The following SYNPO variants were observed in gnomAD, a reference collection of about 807,000 sequenced individuals.
The protein encoded by SYNPO is synaptopodin.
A neutral mutation model predicts 49.5 loss-of-function variants in SYNPO; 19 were observed. The ratio of observed to expected loss-of-function variants is 0.38; its 90% CI spans 0.27 to 0.56. The LOEUF is 0.56. Among genes scored for constraint, SYNPO ranks in the 20% least tolerant of loss-of-function variants. The pLI, the probability that SYNPO is intolerant of heterozygous loss-of-function variation, is 0.68. For missense variants in SYNPO, 1,131 were observed against 1,248.3 expected, an observed-to-expected ratio of 0.91 and a Z score of 1.42; for synonymous variants, 536 against 548.0, an observed-to-expected ratio of 0.98 and a Z score of 0.31.
intron 1 of SYNPO, among the ~76,000 whole-genome samples, chr5:150,610,113 G>A (rs1055250895): frequency 9.2e-5 from 14 of 152,360 alleles, no homozygotes; most frequent in African/African-American, 3.1e-4. Context: ...CTGTGAGCAG[G>A]CTGGCTTCAG....
In SYNPO at chr5:150,650,069, G is replaced by A; in HGVS notation, c.1794G>A (p.Leu598=). Residue 598 remains leucine (L), a synonymous_variant, in exon 2 of 3, where the codon CTG becomes CTA. Transcript: ENST00000307662. ...ASPAKPSSLD[L]VPNLPKGALP... is the part of the protein sequence containing the mutation. ...CCGCCAAGCCCAGCTCCTTGGACCT[G>A]GTGCCCAACCTGCCCAAGGGGGCTC... 6.2e-6 allele frequency: 10 copies of A among 1,613,348 alleles called. No homozygotes were observed. The highest frequency in any genetic ancestry group is 8.5e-6 in the Non-Finnish European group (10 of 1,179,974).
chr5:150,618,570 C>T, exon 2 of SYNPO: 1 of 1,550,626 alleles, frequency 6.4e-7, no homozygotes, highest in Non-Finnish European at 8.7e-7. Flanking sequence ...GGGGACGACT[C>T]TGCCTGCAGA....
intron 2 of SYNPO, among the ~76,000 whole-genome samples, chr5:150,655,753 A>C (rs1303114374): frequency 6.6e-6 from 1 of 152,198 alleles, no homozygotes; most frequent in African/African-American, 2.4e-5. Context: ...CTGAGGTTCA[A>C]GCGATCCTCC....
Position 150,649,739 on chromosome 5 carries a change from G to T in SYNPO, c.1464G>T (p.Gln488His). ...GKGAELYARR[Q>H]SRMEKYVIES... is the part of the protein sequence containing the mutation. ...GAGCTGAGCTCTACGCCCGCCGCCA[G>T]TCACGGATGGAGAAATATGTCATCG... The change falls in exon 2 of 3, where the codon CAG becomes CAT. Residue 488 changes from glutamine to histidine, a missense_variant. Coordinates refer to ENST00000307662, the MANE Select transcript of SYNPO (RefSeq NM_007286.6). 1 of 1,613,136 alleles carries T rather than the reference G, an allele frequency of 6.2e-7. No individual in the cohort carries two copies.
chr5:150,650,159 C>G lies in SYNPO; in HGVS notation c.1884C>G (p.Gly628=). Residue 628 remains glycine, a synonymous_variant, in exon 2 of 3, where the codon GGC becomes GGG. Transcript: ENST00000307662. ...CACCGGGCCTCTACACCTCCCCCGG[C>G]CAGGACAGCCTGCAGCCCACTGCCG... ...RSSPGLYTSP[G]QDSLQPTAVS... 1 of 1,613,912 alleles carries G rather than the reference C, an allele frequency of 6.2e-7. No individual in the cohort carries two copies.
chr5:150,633,323 G>T (rs1205647314), intron 2 of SYNPO, among the ~76,000 whole-genome samples: 1 of 152,202 alleles, frequency 6.6e-6, no homozygotes, highest in African/African-American at 2.4e-5. Context: ...CTTGCTAAAG[G>T]TCACCATAGC....
chr5:150,597,865 T>TG (rs1287216025), upstream of SYNPO, among the ~76,000 whole-genome samples: 4 of 152,128 alleles, frequency 2.6e-5, no homozygotes, highest in Non-Finnish European at 5.9e-5. Context: ...CTTGAACTCC[T>TG]GACCTCAAGT....
In SYNPO at chr5:150,650,119, G is replaced by A. The variant is rs748114423; in HGVS notation, c.1844G>A (p.Arg615Gln). 8.1e-6 allele frequency: 13 copies of A among 1,612,584 alleles called. No homozygotes were observed. The highest frequency in any genetic ancestry group is 6.7e-5 in the East Asian group (3 of 44,758). Residue 615 changes from arginine to glutamine, a missense_variant, in exon 2 of 3, where the codon CGG (arginine) becomes CAG (glutamine). Arg to Gln is a conservative substitution (Grantham distance 43). Around this residue, in one of 4 missense-constraint regions of SYNPO, gnomAD observed 509 missense variants for 484.5 expected, o/e 1.05. Transcript: ENST00000307662. ...CTCCCTCCATCTCCTGCCCTGCCTC[G>A]GCCCTCGCGCTCCTCACCGGGCCTC... ...GALPPSPALP[R>Q]PSRSSPGLYT...
At chr5:150,630,570 A>G (rs569127042) in intron 2 of SYNPO, among the ~76,000 whole-genome samples, 1 of 152,314 alleles carries the variant, frequency 6.6e-6, no homozygotes, top group East Asian at 1.9e-4. Flanking sequence ...ACGCGCACGG[A>G]GAACAAGCAT....
upstream of SYNPO, among the ~76,000 whole-genome samples, chr5:150,598,519 A>G (rs114062711): frequency 6.7e-3 from 1,015 of 152,340 alleles, 20 homozygotes; most frequent in African/African-American, 0.022. Context: ...TGTATGGTGC[A>G]TGTGAAACGC....
intron 1 of SYNPO, among the ~76,000 whole-genome samples, chr5:150,609,824 C>T (rs1405366428): frequency 6.7e-6 from 1 of 149,942 alleles, no homozygotes; most frequent in Non-Finnish European, 1.5e-5. Context: ...GAGCCAGGGC[C>T]CTGTGTGCCA....
At chr5:150,593,986 G>C in the SYNPO span, among the ~76,000 whole-genome samples, 1 of 152,176 alleles carries the variant, frequency 6.6e-6, no homozygotes, top group East Asian at 1.9e-4. Flanking sequence ...GCCCCACAAA[G>C]TGAGGTGATA....
intron 1 of SYNPO, among the ~76,000 whole-genome samples, chr5:150,604,540 T>C (rs534426551): frequency 2.2e-3 from 334 of 152,310 alleles, no homozygotes; most frequent in African/African-American, 7.4e-3. Flanking sequence ...CACATCCATA[T>C]CTACCGGTGG....
chr5:150,594,768 T>C, the SYNPO span, among the ~76,000 whole-genome samples: 293 of 152,276 alleles, frequency 1.9e-3, no homozygotes, highest in African/African-American at 6.7e-3. Context: ...ATCCCCAGTT[T>C]TTTTCGGATG....
chr5:150,629,209 C>T (rs966553070), intron 2 of SYNPO, among the ~76,000 whole-genome samples: 4 of 151,996 alleles, frequency 2.6e-5, no homozygotes, highest in Non-Finnish European at 4.4e-5. Flanking sequence ...GACAGTGTCT[C>T]GCTATGTTGC....
intron 2 of SYNPO, among the ~76,000 whole-genome samples, chr5:150,628,438 G>A (rs567969139): frequency 6.6e-6 from 1 of 152,306 alleles, no homozygotes; most frequent in South Asian, 2.1e-4. Context: ...TCCCTTCCTG[G>A]CTGGCTGGGA....
upstream of SYNPO, among the ~76,000 whole-genome samples, chr5:150,638,170 C>T (rs1353822318): frequency 2.0e-5 from 3 of 152,162 alleles, no homozygotes; most frequent in African/African-American, 7.2e-5. Flanking sequence ...AGAATGCTTC[C>T]TTATCTCCAT....
intron 2 of SYNPO, among the ~76,000 whole-genome samples, chr5:150,628,604 G>A (rs1169978592): frequency 6.6e-6 from 1 of 152,200 alleles, no homozygotes; most frequent in African/African-American, 2.4e-5. Context: ...GTATTGTGAG[G>A]TTTTGATCTC....
upstream of SYNPO, among the ~76,000 whole-genome samples, chr5:150,600,358 A>G (rs559152573): frequency 2.4e-3 from 372 of 152,352 alleles, no homozygotes; most frequent in Non-Finnish European, 4.5e-3. Context: ...GCACTCTCCC[A>G]GCCCACACAA....
Sources: allele counts gnomAD v4.1 joint callset (sites outside exome capture counted in the v4.1 genomes callset), GRCh38; gene constraint gnomAD v4.1.1; regional missense constraint gnomAD v4.1.1; transcripts MANE v1.5; gene names NCBI Gene and HGNC (gene_info 2026-07-23, HGNC 2026-07-21).